The following TENM2 variants were observed in gnomAD, a reference collection of about 807,000 sequenced individuals.
TENM2 encodes the protein teneurin-2.
TENM2 carries 52 observed loss-of-function variants against 245.2 expected under a neutral mutation model. That is an observed-to-expected ratio of 0.21 (90% confidence interval 0.17 to 0.27). The LOEUF is 0.27. TENM2 is among the 10% of genes least tolerant of loss of function. The pLI is 1.00. For missense variants in TENM2, 3,046 were observed against 3,666.8 expected (o/e 0.83, Z 4.37); for synonymous variants, 1,363 against 1,438.9 (o/e 0.95, Z 1.19).
At chr5:167,753,867 T>C (rs1376333859) in intron 2 of TENM2, among the ~76,000 whole-genome samples, 1 of 152,182 alleles carries the variant, frequency 6.6e-6, no homozygotes, top group African/African-American at 2.4e-5. Context: ...TAGTACCTAA[T>C]GCAGGCAGAG....
intron 2 of TENM2, among the ~76,000 whole-genome samples, chr5:167,407,436 A>G (rs1762695466): frequency 6.6e-6 from 1 of 152,132 alleles, no homozygotes; most frequent in Admixed American, 6.6e-5. Flanking sequence ...TAATTTTCCA[A>G]GTAAGTCCAG....
intron 2 of TENM2, among the ~76,000 whole-genome samples, chr5:167,454,657 T>C (rs1016821162): frequency 2.6e-5 from 4 of 152,296 alleles, no homozygotes; most frequent in Admixed American, 6.5e-5. Context: ...CTCTTTCCCA[T>C]CCACTCAACC....
At chr5:168,050,322 A>ACCT (rs955086300) in intron 6 of TENM2, among the ~76,000 whole-genome samples, 1 of 152,190 alleles carries the variant, frequency 6.6e-6, no homozygotes, top group Non-Finnish European at 1.5e-5. Context: ...ATCAAAAGTG[A>ACCT]CCTTGGGTTT....
At chr5:167,664,956 G>T (rs1451620153) in intron 2 of TENM2, among the ~76,000 whole-genome samples, 3 of 152,158 alleles carry the variant, frequency 2.0e-5, no homozygotes, top group African/African-American at 7.2e-5. Context: ...TACTAGTCAG[G>T]ACATGGGCTA....
intron 4 of TENM2, among the ~76,000 whole-genome samples, chr5:167,954,511 G>C (rs542002899): frequency 3.9e-5 from 6 of 152,268 alleles, no homozygotes; most frequent in African/African-American, 1.4e-4. Context: ...TACATGTGCA[G>C]AACGTGCAGG....
At chr5:168,216,946 TC>T (rs1763249730) in intron 22 of TENM2, 24 bp downstream of exon 24, 1 of 1,612,332 alleles carries the variant, frequency 6.2e-7, no homozygotes, top group Non-Finnish European at 8.5e-7. Flanking sequence ...TTATTTCTCT[TC>T]ACTAAGCAAC....
chr5:167,151,609 C>T, the TENM2 span, among the ~76,000 whole-genome samples: 12 of 152,132 alleles, frequency 7.9e-5, no homozygotes, highest in Non-Finnish European at 1.5e-4. Flanking sequence ...AGTTCCACCT[C>T]CCGGGTTCAT....
intron 2 of TENM2, among the ~76,000 whole-genome samples, chr5:167,599,688 G>A (rs180852057): frequency 2.0e-5 from 3 of 152,114 alleles, no homozygotes; most frequent in Non-Finnish European, 4.4e-5. Flanking sequence ...GTTTTGTTGG[G>A]TTTTTTTATT....
the TENM2 span, among the ~76,000 whole-genome samples, chr5:167,072,767 TTAAATG>T: frequency 1.3e-5 from 2 of 152,216 alleles, no homozygotes; most frequent in Admixed American, 1.3e-4. Context: ...CAGTAAATAT[TTAAATG>T]TAAAAGTCAG....
At chr5:168,047,574 C>T (rs1420833879) in intron 6 of TENM2, 25 bp downstream of exon 8, 8 of 1,548,774 alleles carry the variant, frequency 5.2e-6, no homozygotes, top group Non-Finnish European at 7.0e-6. Context: ...GCTGCTTGCC[C>T]TCTTGAGGTC....
the TENM2 span, among the ~76,000 whole-genome samples, chr5:167,224,555 G>A: frequency 1.3e-5 from 2 of 151,914 alleles, no homozygotes; most frequent in Admixed American, 6.6e-5. Context: ...ATGAGTCTAT[G>A]TTAATACCAA....
At chr5:168,204,758 C>T (rs1481864259) in intron 19 of TENM2, 137 bp downstream of exon 21, 1 of 1,140,860 alleles carries the variant, frequency 8.8e-7, no homozygotes, top group Non-Finnish European at 1.2e-6. Context: ...GGCCCAGAAT[C>T]AAATAAGGAG....
intron 3 of TENM2, among the ~76,000 whole-genome samples, chr5:167,912,459 A>G (rs1193503678): frequency 1.3e-5 from 2 of 152,160 alleles, no homozygotes; most frequent in Admixed American, 1.3e-4. Context: ...TTCCCAGTTC[A>G]TTGTTGTTCT....
intron 2 of TENM2, among the ~76,000 whole-genome samples, chr5:167,582,178 G>T (rs1388289764): frequency 6.6e-6 from 1 of 152,166 alleles, no homozygotes; most frequent in Admixed American, 6.5e-5. Flanking sequence ...GATAGGATTA[G>T]TTTGTCTGAT....
chr5:167,861,240 G>T lies in TENM2; in HGVS notation c.503-14746G>T, dbSNP rs960244566. ...ATGCAAAATGTCCTCAAGAAGGTGG[G>T]CAAAGGCCTCTCAGGGTTGTAGGGG... On this transcript the variant is annotated intron_variant, in intron 2 of 28. Transcript: ENST00000518659. Among the ~76,000 whole-genome samples the T allele has an allele frequency of 3.3e-5, 5 of 152,144 alleles. No homozygotes were observed. In the East Asian group the frequency reaches 5.8e-4, roughly 18 times the overall value.
intron 2 of TENM2, among the ~76,000 whole-genome samples, chr5:167,799,360 T>G (rs983926928): frequency 6.6e-6 from 1 of 152,238 alleles, no homozygotes; most frequent in African/African-American, 2.4e-5. Context: ...AGAACATCTC[T>G]GGTTGAGTGT....
In TENM2 at chr5:167,311,530, A is replaced by G. The variant is rs546643885; in HGVS notation, c.226+26467A>G. Reference sequence around the variant, plus strand: ...ATGATTTCTTTAACAATGATGTGGCATTGTCATATGGATATATCACACTGT... The same window carrying G: ...ATGATTTCTTTAACAATGATGTGGCGTTGTCATATGGATATATCACACTGT... On this transcript the variant is annotated intron_variant, in intron 1 of 28. Transcript: ENST00000518659. Among the ~76,000 whole-genome samples, 20 of 152,294 alleles carry G rather than the reference A, an allele frequency of 1.3e-4. No homozygotes were observed. In the East Asian group the frequency reaches 3.9e-3, roughly 29 times the overall value.
At chr5:167,033,807 T>A in the TENM2 span, among the ~76,000 whole-genome samples, 1 of 152,188 alleles carries the variant, frequency 6.6e-6, no homozygotes, top group Non-Finnish European at 1.5e-5. Flanking sequence ...ACAGAAAGCA[T>A]TTTTGTTTTT....
chr5:167,110,392 T>C, the TENM2 span, among the ~76,000 whole-genome samples: 2 of 152,332 alleles, frequency 1.3e-5, no homozygotes, highest in African/African-American at 4.8e-5. Flanking sequence ...GAGATACATG[T>C]AGGTGCATCA....
Sources: allele counts gnomAD v4.1 joint callset (sites outside exome capture counted in the v4.1 genomes callset), GRCh38; gene constraint gnomAD v4.1.1; transcripts MANE v1.5; gene names NCBI Gene and HGNC (gene_info 2026-07-23, HGNC 2026-07-21).